Variants in ZNF804B observed in about 807,000 individuals in gnomAD.
ZNF804B encodes the protein zinc finger protein 804B.
Under a neutral mutation model 101.4 loss-of-function variants are expected in ZNF804B, and 80 were observed. The ratio of observed to expected loss-of-function variants is 0.79; its 90% CI spans 0.66 to 0.95. ZNF804B has a LOEUF of 0.95. ZNF804B is among the 40% of genes least tolerant of loss of function. The pLI is 0.00. For synonymous variants in ZNF804B, 622 were observed against 558.8 expected, an observed-to-expected ratio of 1.11 and a Z score of -1.59; for missense variants, 1,673 against 1,561.9, an observed-to-expected ratio of 1.07 and a Z score of -1.20.
At chr7:88,818,098 A>C (rs998535705) in intron 1 of ZNF804B, among the ~76,000 whole-genome samples, 1 of 152,204 alleles carries the variant, frequency 6.6e-6, no homozygotes, top group Admixed American at 6.5e-5. Context: ...TAAAAGAAAA[A>C]GTTTGAGATG....
chr7:88,792,088 T>C (rs1790390609), intron 1 of ZNF804B, among the ~76,000 whole-genome samples: 1 of 152,064 alleles, frequency 6.6e-6, no homozygotes, highest in African/African-American at 2.4e-5. Flanking sequence ...TTCCAGGAGC[T>C]AGCATTCAAG....
At chr7:88,790,130 G>A (rs1380933011) in intron 1 of ZNF804B, among the ~76,000 whole-genome samples, 1 of 151,912 alleles carries the variant, frequency 6.6e-6, no homozygotes, top group Non-Finnish European at 1.5e-5. Flanking sequence ...TGTGATCATT[G>A]GCTTTATATA....
At chr7:89,037,723 T>G (rs1029954974) in intron 1 of ZNF804B, among the ~76,000 whole-genome samples, 1 of 152,090 alleles carries the variant, frequency 6.6e-6, no homozygotes, top group Admixed American at 6.6e-5. Context: ...TTAAGTATAG[T>G]CACCATGCTA....
At chr7:89,256,701 A>C (rs1005222337) in intron 2 of ZNF804B, among the ~76,000 whole-genome samples, 5 of 152,220 alleles carry the variant, frequency 3.3e-5, no homozygotes, top group Non-Finnish European at 2.9e-5. Flanking sequence ...ATTTGCATAA[A>C]TATCCAAAAC....
At chr7:89,331,989 T>C (rs541385240) in intron 3 of ZNF804B, among the ~76,000 whole-genome samples, 41 of 151,476 alleles carry the variant, frequency 2.7e-4, no homozygotes, top group African/African-American at 9.4e-4. Flanking sequence ...TAAAATGTTA[T>C]ACATACATAT....
At chr7:88,924,315 TTGTC>T (rs10612013) in intron 1 of ZNF804B, among the ~76,000 whole-genome samples, 2,371 of 152,256 alleles carry the variant, frequency 0.016, 51 homozygotes, top group African/African-American at 0.054. Flanking sequence ...TTGCAATTCT[TTGTC>T]TGCATGATAC....
chr7:89,025,395 G>A (rs1004431101), intron 1 of ZNF804B, among the ~76,000 whole-genome samples: 2 of 151,852 alleles, frequency 1.3e-5, no homozygotes, highest in African/African-American at 4.8e-5. Context: ...TAAGAGCTTG[G>A]AGTCTACCAA....
chr7:88,958,935 C>T (rs1009666251), intron 1 of ZNF804B, among the ~76,000 whole-genome samples: 1 of 151,524 alleles, frequency 6.6e-6, no homozygotes, highest in African/African-American at 2.4e-5. Flanking sequence ...CCAACTAAAT[C>T]TCCGAAAGTG....
At chr7:88,794,549 T>C (rs758993492) in intron 1 of ZNF804B, 3 of 1,613,682 alleles carry the variant, frequency 1.9e-6, no homozygotes, top group East Asian at 4.5e-5. Flanking sequence ...GAAATGACTA[T>C]AATTTTCATT....
chr7:89,064,842 G>C (rs764989738), intron 1 of ZNF804B, among the ~76,000 whole-genome samples: 1 of 152,106 alleles, frequency 6.6e-6, no homozygotes, highest in Non-Finnish European at 1.5e-5. Flanking sequence ...TCGATTGTCT[G>C]GTGGACACCC....
At chr7:89,070,254 T>G (rs1789515684) in intron 1 of ZNF804B, among the ~76,000 whole-genome samples, 1 of 152,178 alleles carries the variant, frequency 6.6e-6, no homozygotes, top group African/African-American at 2.4e-5. Flanking sequence ...TTATGTTTTG[T>G]TTTTGAGAGA....
chr7:88,805,186 T>A (rs1374866426), intron 1 of ZNF804B, among the ~76,000 whole-genome samples: 1 of 152,124 alleles, frequency 6.6e-6, no homozygotes, highest in Non-Finnish European at 1.5e-5. Flanking sequence ...AATTTTATAG[T>A]CAGGTATGCC....
At chr7:88,790,508 T>G (rs1354509006) in intron 1 of ZNF804B, among the ~76,000 whole-genome samples, 1 of 152,096 alleles carries the variant, frequency 6.6e-6, no homozygotes, top group Non-Finnish European at 1.5e-5. Flanking sequence ...CATTTATAAG[T>G]GAGAACATGA....
intron 1 of ZNF804B, among the ~76,000 whole-genome samples, chr7:88,982,459 T>G (rs1230002509): frequency 6.6e-6 from 1 of 152,092 alleles, no homozygotes; most frequent in Non-Finnish European, 1.5e-5. Flanking sequence ...TTCTTGAAAC[T>G]AGAAATCCAT....
At chr7:89,201,842 A>G (rs112279789) in intron 1 of ZNF804B, among the ~76,000 whole-genome samples, 192 of 152,172 alleles carry the variant, frequency 1.3e-3, no homozygotes, top group African/African-American at 4.3e-3. Flanking sequence ...TATATCTAAG[A>G]GTCAAATTCA....
chr7:89,192,562 T>C (rs905868293), intron 1 of ZNF804B, among the ~76,000 whole-genome samples: 4 of 152,208 alleles, frequency 2.6e-5, no homozygotes, highest in African/African-American at 9.6e-5. Flanking sequence ...CTTATTGTTT[T>C]TGAAACTACC....
intron 1 of ZNF804B, among the ~76,000 whole-genome samples, chr7:88,837,170 T>C (rs1791225820): frequency 6.6e-6 from 1 of 152,078 alleles, no homozygotes; most frequent in Admixed American, 6.6e-5. Flanking sequence ...CAATATATTT[T>C]TTTTTGTAAA....
chr7:89,108,336 A>T (rs1185354105), intron 1 of ZNF804B, among the ~76,000 whole-genome samples: 1 of 151,884 alleles, frequency 6.6e-6, no homozygotes, highest in Non-Finnish European at 1.5e-5. Flanking sequence ...TCTTCTGGGT[A>T]TTCTCTGCTA....
chr7:89,338,358 C>A lies in ZNF804B; in HGVS notation c.*1326C>A, dbSNP rs879613767. On this transcript the variant is annotated 3_prime_UTR_variant, in exon 4 of 4. Transcript: ENST00000333190. ...TGTGATTCAGGTACAGTTACCCTAT[C>A]CACTTGTTTGCATTATCTTCTTTAA... Among the ~76,000 whole-genome samples the A allele has an allele frequency of 6.6e-6, 1 of 152,034 alleles. No individual in the cohort carries two copies. The highest frequency in any genetic ancestry group is 1.5e-5 in the Non-Finnish European group (1 of 67,942).
Sources: gnomAD v4.1 joint callset for allele counts (sites outside exome capture counted in the v4.1 genomes callset) on GRCh38, gnomAD v4.1.1 for gene constraint, MANE v1.5 for transcripts, NCBI Gene and HGNC (gene_info 2026-07-23, HGNC 2026-07-21) for gene names.